Variants in CMC1 observed in about 807,000 individuals in gnomAD.
CMC1 encodes COX assembly mitochondrial protein homolog.
CMC1 carries 14 observed loss-of-function variants against 14.1 expected under a neutral mutation model. The observed-to-expected ratio is 0.99, with a 90% CI of 0.66 to 1.55. The LOEUF is 1.55. Among genes scored for constraint, CMC1 ranks in the 40% most tolerant of loss-of-function variants. The probability of loss-of-function intolerance (pLI) is 0.00; values close to 1 mark genes in which losing one functional copy is unlikely to be tolerated. For synonymous variants in CMC1, 50 were observed against 38.4 expected (o/e 1.30, Z -1.12); for missense variants, 127 against 123.8 (o/e 1.03, Z -0.12).
chr3:28,293,782 A>G (rs563388301), intron 2 of CMC1, among the ~76,000 whole-genome samples: 2 of 152,078 alleles, frequency 1.3e-5, no homozygotes, highest in African/African-American at 2.4e-5. Flanking sequence ...GAGTTTCACC[A>G]TGTTGGCCAG....
intron 2 of CMC1, among the ~76,000 whole-genome samples, chr3:28,287,537 G>A (rs535200488): frequency 6.6e-6 from 1 of 152,036 alleles, no homozygotes; most frequent in East Asian, 1.9e-4. Flanking sequence ...TATTGTATGT[G>A]CAGATATTTA....
intron 2 of CMC1, among the ~76,000 whole-genome samples, chr3:28,267,195 A>G (rs370726434): frequency 6.6e-6 from 1 of 152,112 alleles, no homozygotes; most frequent in East Asian, 1.9e-4. Flanking sequence ...TGTTTGCCGT[A>G]TATAGGTAAA....
intron 2 of CMC1, among the ~76,000 whole-genome samples, chr3:28,313,111 C>T (rs1032308330): frequency 6.6e-6 from 1 of 152,026 alleles, no homozygotes; most frequent in African/African-American, 2.4e-5. Context: ...CCCACCTTAG[C>T]CCCCAAAGTG....
intron 2 of CMC1, among the ~76,000 whole-genome samples, chr3:28,308,247 C>A (rs1702436174): frequency 6.6e-6 from 1 of 151,694 alleles, no homozygotes; most frequent in Non-Finnish European, 1.5e-5. Context: ...AAAATTCAAA[C>A]CTTAACTGTA....
At position 28,274,206 on chromosome 3, in the gene CMC1, G is replaced by GTTTTTTTTTTTTTTTTTTTTTTTTTTT. The variant is rs1265139321; in HGVS notation, c.109+10831_109+10832insTTTTTTTTTTTTTTTTTTTTTTTTTTT. Among the ~76,000 whole-genome samples the GTTTTTTTTTTTTTTTTTTTTTTTTTTT allele has an allele frequency of 5.7e-4, 47 of 83,056 alleles. 5 individuals carry two copies. The highest frequency in any genetic ancestry group is 1.8e-3 in the East Asian group (4 of 2,248). The allele number at this position is 83,056 out of a possible 152,430, so 54.5% of individuals were successfully genotyped here. A position where few individuals can be genotyped will look rare whatever the true frequency, so the allele number is the denominator to read the frequency against. ...GTGTCATTGGTCTTTGTACTAAAGT[G>GTTTTTTTTTTTTTTTTTTTTTTTTTTT]TTTTTGTTTTTTTCTTTTTTTTTTT... On this transcript the variant is annotated intron_variant, in intron 2 of 3. Coordinates refer to ENST00000466830, the MANE Select transcript of CMC1 (RefSeq NM_182523.2).
chr3:28,285,553 G>C, intron 2 of CMC1, among the ~76,000 whole-genome samples: 1 of 151,950 alleles, frequency 6.6e-6, no homozygotes, highest in East Asian at 1.9e-4. Context: ...GTGGGTAAGG[G>C]ATGAGAAATC....
At chr3:28,263,598 T>G (rs1336279810) in intron 2 of CMC1, among the ~76,000 whole-genome samples, 1 of 152,082 alleles carries the variant, frequency 6.6e-6, no homozygotes, top group Non-Finnish European at 1.5e-5. Flanking sequence ...GTAAAAAACA[T>G]TTTTTGTTTT....
chr3:28,246,798 ATTT>A (rs770788764), intron 1 of CMC1, among the ~76,000 whole-genome samples: 11 of 121,442 alleles, frequency 9.1e-5, no homozygotes, highest in East Asian at 2.4e-4. Context: ...GGGTCCATTG[ATTT>A]TTTTTTTTTT....
At chr3:28,305,178 A>C (rs760920389) in intron 2 of CMC1, among the ~76,000 whole-genome samples, 2 of 152,178 alleles carry the variant, frequency 1.3e-5, no homozygotes, top group Non-Finnish European at 2.9e-5. Flanking sequence ...AAGTGACAAC[A>C]TGCGGTATTT....
intron 2 of CMC1, chr3:28,297,132 C>A (rs1487668894): frequency 6.6e-6 from 1 of 152,018 alleles, no homozygotes; most frequent in Non-Finnish European, 1.5e-5. Flanking sequence ...GGGCAACAGA[C>A]AAACTATTTG....
At chr3:28,307,451 C>G (rs964209401) in intron 2 of CMC1, among the ~76,000 whole-genome samples, 1 of 152,092 alleles carries the variant, frequency 6.6e-6, no homozygotes, top group African/African-American at 2.4e-5. Flanking sequence ...ATCACTTGAG[C>G]CCAGAGTTCA....
intron 2 of CMC1, among the ~76,000 whole-genome samples, chr3:28,293,813 C>T (rs532240835): frequency 6.6e-6 from 1 of 152,074 alleles, no homozygotes; most frequent in Non-Finnish European, 1.5e-5. Context: ...GACTCCTGAG[C>T]TCAAGCGATC....
At position 28,324,426 on chromosome 3, in the gene CMC1, G is replaced by T; in HGVS notation, c.*4797G>T. ...GCAGTTTTGTGCTGTCTCTTCCAAGGTCTTCACTGCATCCTACAGGGGCAC... is the reference window on the plus strand; with the variant it reads ...GCAGTTTTGTGCTGTCTCTTCCAAGTTCTTCACTGCATCCTACAGGGGCAC... On this transcript the variant is annotated 3_prime_UTR_variant, in exon 4 of 4. Coordinates refer to ENST00000466830, the MANE Select transcript of CMC1 (RefSeq NM_182523.2). 6.6e-7 allele frequency: 1 copy of T among 1,518,564 alleles called. No homozygotes were observed. Among genetic ancestry groups the T allele is most frequent in the South Asian group, 1.3e-5 (1 of 75,252 alleles). 94.1% of individuals were successfully genotyped at this position (1,518,564 alleles called of 1,614,324 possible). A position where few individuals can be genotyped will look rare whatever the true frequency, so the allele number is the denominator to read the frequency against.
chr3:28,318,352 G>C (rs1227825123), intron 3 of CMC1: 2 of 151,666 alleles, frequency 1.3e-5, no homozygotes, highest in Non-Finnish European at 2.9e-5. Flanking sequence ...TACTGGACCT[G>C]TCTCTGGCAA....
At chr3:28,305,407 T>C (rs971052891) in intron 2 of CMC1, among the ~76,000 whole-genome samples, 1 of 152,228 alleles carries the variant, frequency 6.6e-6, no homozygotes, top group African/African-American at 2.4e-5. Flanking sequence ...AGTGTCTTTT[T>C]GGTAGAATTA....
At chr3:28,282,090 T>C (rs1264738391) in intron 2 of CMC1, among the ~76,000 whole-genome samples, 1 of 152,246 alleles carries the variant, frequency 6.6e-6, no homozygotes, top group Non-Finnish European at 1.5e-5. Context: ...TTCATTTTTT[T>C]CCTCTTTCTC....
intron 1 of CMC1, among the ~76,000 whole-genome samples, chr3:28,262,474 C>A (rs1053369982): frequency 2.6e-5 from 4 of 152,094 alleles, no homozygotes; most frequent in African/African-American, 4.8e-5. Context: ...CCTACTGAGT[C>A]ACTTTAATTA....
chr3:28,271,108 T>G (rs1421926336), intron 2 of CMC1, among the ~76,000 whole-genome samples: 1 of 151,892 alleles, frequency 6.6e-6, no homozygotes, highest in Non-Finnish European at 1.5e-5. Flanking sequence ...GTTAATATTT[T>G]TTTGTTTTTT....
At chr3:28,247,996 T>G (rs1445411035) in intron 1 of CMC1, among the ~76,000 whole-genome samples, 1 of 152,186 alleles carries the variant, frequency 6.6e-6, no homozygotes, top group Non-Finnish European at 1.5e-5. Flanking sequence ...TTTTCCTGAT[T>G]GCCACCACCT....
Sources: allele counts gnomAD v4.1 joint callset (sites outside exome capture counted in the v4.1 genomes callset), GRCh38; gene constraint gnomAD v4.1.1; transcripts MANE v1.5; gene names NCBI Gene and HGNC (gene_info 2026-07-23, HGNC 2026-07-21).